The following SLC41A3 variants were observed in gnomAD, a reference collection of about 807,000 sequenced individuals.
The protein encoded by SLC41A3 is SLC41A1-like 2.
In SLC41A3, 44 loss-of-function variants were observed where a neutral mutation model predicts 45.4. That is an observed-to-expected ratio of 0.97 (90% CI 0.76 to 1.25). SLC41A3 has a LOEUF of 1.25. Among genes scored for constraint, SLC41A3 ranks in the 50% most tolerant of loss-of-function variants. The pLI is 0.00. For missense variants in SLC41A3, 550 were observed against 600.6 expected, an observed-to-expected ratio of 0.92 and a Z score of 0.88; for synonymous variants, 256 against 252.4, an observed-to-expected ratio of 1.01 and a Z score of -0.13.
In SLC41A3 at chr3:126,098,925, C is replaced by CTTTTTTTTTTTT. The variant is rs57262035; in HGVS notation, c.-79+2492_-79+2503dup. On this transcript the variant is annotated intron_variant, in intron 1 of 9. Coordinates refer to the SLC41A3 transcript ENST00000508835. ...TCCAGGAGGGATGGACATGACCTGG[C>CTTTTTTTTTTTT]TTTTTTTTTTTTTTTTTTTTTTGTA... Among the ~76,000 whole-genome samples the CTTTTTTTTTTTT allele has an allele frequency of 1.6e-3, 171 of 109,632 alleles. 1 individual carries two copies. The highest frequency in any genetic ancestry group is 3.9e-3 in the East Asian group (14 of 3,596). 71.9% of individuals were successfully genotyped at this position (109,632 alleles called of 152,430 possible).
upstream of SLC41A3, chr3:126,084,233 T>G (rs1429700340): frequency 7.2e-5 from 11 of 151,788 alleles, no homozygotes; most frequent in African/African-American, 2.7e-4. Context: ...GACTTGGCGC[T>G]CCGGGACAGC....
chr3:126,085,102 G>T (rs1945348559), upstream of SLC41A3, among the ~76,000 whole-genome samples: 2 of 152,164 alleles, frequency 1.3e-5, no homozygotes, highest in African/African-American at 4.8e-5. Context: ...TCAACCAATT[G>T]TCAACCAGAA....
chr3:126,051,172 G>C, intron 2 of SLC41A3, 122 bp from the exon 3 acceptor site: 7 of 1,145,770 alleles, frequency 6.1e-6, no homozygotes, highest in Non-Finnish European at 8.2e-6. Flanking sequence ...ATAGGACTAA[G>C]TACTTTCTTA....
chr3:126,091,420 G>A (rs1296146742), intron 1 of SLC41A3, among the ~76,000 whole-genome samples: 5 of 152,148 alleles, frequency 3.3e-5, no homozygotes, highest in Non-Finnish European at 7.3e-5. Flanking sequence ...AACTGGAAGT[G>A]GGCAGGAGGG....
chr3:126,014,201 CA>C (rs1940028145), intron 8 of SLC41A3, among the ~76,000 whole-genome samples: 1 of 152,070 alleles, frequency 6.6e-6, no homozygotes, highest in African/African-American at 2.4e-5. Context: ...AGGATGCAAA[CA>C]ATTGTCTTCA....
intron 3 of SLC41A3, among the ~76,000 whole-genome samples, chr3:126,044,564 G>A (rs1942817279): frequency 6.6e-6 from 1 of 152,138 alleles, no homozygotes; most frequent in Non-Finnish European, 1.5e-5. Context: ...TCGTATATTA[G>A]GCCATGAAAC....
upstream of SLC41A3, among the ~76,000 whole-genome samples, chr3:126,085,823 G>A (rs575907629): frequency 1.7e-4 from 3 of 17,342 alleles, no homozygotes; most frequent in African/African-American, 1.3e-3. Context: ...GGGAGTGTCT[G>A]GGGGGGGGTT....
intron 3 of SLC41A3, among the ~76,000 whole-genome samples, chr3:126,043,327 T>G (rs1942715410): frequency 6.6e-6 from 1 of 152,074 alleles, no homozygotes; most frequent in Non-Finnish European, 1.5e-5. Context: ...AGGGAAAAAT[T>G]AAGAAATTCC....
chr3:126,100,878 C>A (rs1482402936), intron 1 of SLC41A3, among the ~76,000 whole-genome samples: 1 of 152,196 alleles, frequency 6.6e-6, no homozygotes, highest in Non-Finnish European at 1.5e-5. Flanking sequence ...TTCCTCTCAG[C>A]CCCCGTTCAC....
intron 2 of SLC41A3, chr3:126,056,346 C>A: frequency 6.2e-7 from 1 of 1,613,022 alleles, no homozygotes; most frequent in Non-Finnish European, 8.5e-7. Context: ...CCCCCAAACA[C>A]CCAGTACGCA....
intron 1 of SLC41A3, among the ~76,000 whole-genome samples, chr3:126,099,728 G>A (rs768303882): frequency 1.3e-5 from 2 of 152,290 alleles, no homozygotes; most frequent in Admixed American, 6.5e-5. Flanking sequence ...AGATATTCAG[G>A]TAGTTAAGGT....
chr3:126,031,383 A>C (rs972071607), intron 4 of SLC41A3, among the ~76,000 whole-genome samples: 1 of 152,224 alleles, frequency 6.6e-6, no homozygotes, highest in African/African-American at 2.4e-5. Flanking sequence ...ATTGCAGTAT[A>C]ATCTTTCAAG....
intron 4 of SLC41A3, among the ~76,000 whole-genome samples, chr3:126,027,806 C>T (rs555083172): frequency 1.8e-4 from 28 of 152,262 alleles, no homozygotes; most frequent in East Asian, 9.7e-4. Context: ...AGGATCTTTT[C>T]GGAAACTGGA....
At chr3:126,045,208 T>G (rs1255735939) in intron 3 of SLC41A3, among the ~76,000 whole-genome samples, 1 of 151,224 alleles carries the variant, frequency 6.6e-6, no homozygotes, top group East Asian at 1.9e-4. Flanking sequence ...CCACCTAAAC[T>G]TATACCTTAA....
At chr3:126,065,846 A>C (rs1454484723) in intron 2 of SLC41A3, among the ~76,000 whole-genome samples, 1 of 152,242 alleles carries the variant, frequency 6.6e-6, no homozygotes, top group African/African-American at 2.4e-5. Context: ...CTAGGTATCA[A>C]TAAGAAAACA....
Position 126,016,781 on chromosome 3 carries a change from C to T in SLC41A3, c.840G>A (p.Lys280=), listed in dbSNP as rs753891797. The T allele has an allele frequency of 1.2e-6, 2 of 1,612,788 alleles. No individual in the cohort carries two copies. Among genetic ancestry groups the T allele is most frequent in the African/African-American group, 2.7e-5 (2 of 74,900 alleles). Reference sequence around the variant, plus strand: ...TTGGGAACCAGCCAAACTTCAGGATCTTCACGATGGGTGGGCTCTGCTTGG... The same window carrying T: ...TTGGGAACCAGCCAAACTTCAGGATTTTCACGATGGGTGGGCTCTGCTTGG... ...LIAKQSPPIV[K]ILKFGWFPII... is the part of the protein sequence containing the mutation. The change falls in exon 7 of 11, where the codon AAG becomes AAA. Residue 280 remains lysine (K), a synonymous_variant. Coordinates refer to ENST00000360370, the MANE Select transcript of SLC41A3 (RefSeq NM_017836.4).
intron 1 of SLC41A3, among the ~76,000 whole-genome samples, chr3:126,094,833 T>C (rs370929415): frequency 6.6e-6 from 1 of 152,224 alleles, no homozygotes; most frequent in South Asian, 2.1e-4. Flanking sequence ...TATTGACTGT[T>C]TTTGATATGC....
At chr3:126,016,962 G>T in intron 6 of SLC41A3, 87 bp from the exon 7 acceptor site, 1 of 1,537,022 alleles carries the variant, frequency 6.5e-7, no homozygotes, top group Non-Finnish European at 8.8e-7. Context: ...TGAGAGGTGG[G>T]TGAGGACGCT....
chr3:126,059,264 AAG>A (rs1943889155), intron 2 of SLC41A3, among the ~76,000 whole-genome samples: 1 of 2,600 alleles, frequency 3.8e-4, no homozygotes, highest in Non-Finnish European at 5.8e-4. Flanking sequence ...AGAAAGAAAG[AAG>A]AAAGAAAGAA....
Sources: gnomAD v4.1 joint callset for allele counts (sites outside exome capture counted in the v4.1 genomes callset) on GRCh38, gnomAD v4.1.1 for gene constraint, MANE v1.5 for transcripts, NCBI Gene and HGNC (gene_info 2026-07-23, HGNC 2026-07-21) for gene names.